The following PPIL2 variants were observed in gnomAD, a reference collection of about 807,000 sequenced individuals.
The protein encoded by PPIL2 is RING-type E3 ubiquitin-protein ligase PPIL2.
PPIL2 carries 50 observed loss-of-function variants against 75.2 expected under a neutral mutation model. The ratio of observed to expected loss-of-function variants is 0.66; its 90% CI spans 0.53 to 0.84. The LOEUF (loss-of-function observed/expected upper bound fraction) is 0.84. Ranked by LOEUF, PPIL2 falls within the 40% of genes least tolerant of loss-of-function variation. The pLI is 0.00. For synonymous variants in PPIL2, 245 were observed against 258.8 expected (o/e 0.95, Z 0.51); for missense variants, 590 against 685.0 (o/e 0.86, Z 1.55).
chr22:21,671,131 G>A, intron 4 of PPIL2, 72 bp downstream of exon 4: 1 of 1,443,672 alleles, frequency 6.9e-7, no homozygotes, highest in Middle Eastern at 1.7e-4. Flanking sequence ...GGGACCCTTG[G>A]TACCCTTGGG....
At chr22:21,680,039 G>A (rs1038540929) in intron 6 of PPIL2, among the ~76,000 whole-genome samples, 1 of 150,824 alleles carries the variant, frequency 6.6e-6, no homozygotes, top group Non-Finnish European at 1.5e-5. Flanking sequence ...GCAGTGAGCC[G>A]AGGAGATCAT....
chr22:21,691,553 G>C (rs180898545), intron 15 of PPIL2, among the ~76,000 whole-genome samples: 3 of 152,094 alleles, frequency 2.0e-5, no homozygotes, highest in Admixed American at 2.0e-4. Context: ...GGTGGCAGGC[G>C]CCTGTAGTCC....
chr22:21,666,533 G>A (rs1371650593), intron 1 of PPIL2, among the ~76,000 whole-genome samples: 1 of 152,124 alleles, frequency 6.6e-6, no homozygotes, highest in African/African-American at 2.4e-5. Context: ...AAACCAGGTC[G>A]GGCGCAGTGG....
chr22:21,680,565 C>G (rs1487560725), intron 6 of PPIL2, among the ~76,000 whole-genome samples: 3 of 150,278 alleles, frequency 2.0e-5, no homozygotes, highest in Non-Finnish European at 3.0e-5. Flanking sequence ...TGCAGTGGCT[C>G]ACACCTGTAA....
In PPIL2 at chr22:21,694,751, C is replaced by T. The variant is rs1168660181; in HGVS notation, c.1270-4C>T. 6.2e-7 allele frequency: 1 copy of T among 1,610,306 alleles called. No homozygotes were observed. Among genetic ancestry groups the T allele is most frequent in the Non-Finnish European group, 8.5e-7 (1 of 1,177,740 alleles). On this transcript the variant is annotated splice_polypyrimidine_tract_variant and splice_region_variant and intron_variant, in intron 17 of 19. Coordinates refer to ENST00000398831, the MANE Select transcript of PPIL2 (RefSeq NM_014337.4). Reference sequence around the variant, plus strand: ...GCCGTGCACTGAGCCCCCTTTGCTGCTAGGAGGAGATCCGCATTGATGCCA... The same window carrying T: ...GCCGTGCACTGAGCCCCCTTTGCTGTTAGGAGGAGATCCGCATTGATGCCA...
intron 1 of PPIL2, among the ~76,000 whole-genome samples, chr22:21,667,652 A>G (rs1361431903): frequency 1.3e-5 from 2 of 151,854 alleles, no homozygotes; most frequent in Admixed American, 6.6e-5. Context: ...CTTTTCCATA[A>G]ACATTCTCTG....
rs1383159715 is a variant in PPIL2 at position 21,694,587 on chromosome 22, C to CT, written c.1197-5dup. On this transcript the variant is annotated splice_polypyrimidine_tract_variant and splice_region_variant and intron_variant, in intron 16 of 19. Coordinates refer to ENST00000398831, the MANE Select transcript of PPIL2 (RefSeq NM_014337.4). ...ACGCAGACCCACCTCTGTCTCCCTG[C>CT]TGCAGGGTTGTTGGGGGCTTTGACG... The CT allele has an allele frequency of 6.2e-7, 1 of 1,613,902 alleles. No homozygotes were observed. The highest frequency in any genetic ancestry group is 8.5e-7 in the Non-Finnish European group (1 of 1,179,976).
chr22:21,694,429 G>A (rs981670619), intron 16 of PPIL2, among the ~76,000 whole-genome samples, 164 bp from the exon 17 acceptor site: 3 of 151,810 alleles, frequency 2.0e-5, no homozygotes, highest in Non-Finnish European at 2.9e-5. Context: ...ATGGTCAGCC[G>A]ACCCCGCCCT....
intron 6 of PPIL2, among the ~76,000 whole-genome samples, chr22:21,679,995 C>T (rs1206155099): frequency 6.6e-6 from 1 of 151,196 alleles, no homozygotes; most frequent in African/African-American, 2.4e-5. Context: ...GAGGCTGAGG[C>T]AGGAGAATGG....
chr22:21,669,026 T>A (rs1187676323), intron 1 of PPIL2, among the ~76,000 whole-genome samples: 1 of 151,602 alleles, frequency 6.6e-6, no homozygotes, highest in Non-Finnish European at 1.5e-5. Context: ...TTTTTTTTTT[T>A]TTTTTAGTAG....
rs1161283642 is a variant in PPIL2, at chr22:21,683,169, C to A, written c.478-13C>A. 6.2e-7 allele frequency: 1 copy of A among 1,608,780 alleles called. No homozygotes were observed. The highest frequency in any genetic ancestry group is 1.1e-5 in the South Asian group (1 of 90,968). Reference sequence around the variant, plus strand: ...CTGGGTTCACTCTGCTGGGCATTCTCTTTTTGCCACAGGACCCCACCAATT... The same window carrying A: ...CTGGGTTCACTCTGCTGGGCATTCTATTTTTGCCACAGGACCCCACCAATT... On this transcript the variant is annotated splice_polypyrimidine_tract_variant and intron_variant, in intron 8 of 19. Transcript: ENST00000398831.
chr22:21,682,393 AG>A lies in PPIL2; in HGVS notation c.388-42del, dbSNP rs1438181175. On this transcript the variant is annotated intron_variant, in intron 7 of 19. Transcript: ENST00000398831. ...TCCCTGCTTGCAGTCCCCTGTGCCA[AG>A]GCTTGGGGCAGGCATCGTAAAACCA... 6 of 1,549,414 alleles carry A rather than the reference AG, an allele frequency of 3.9e-6. No homozygotes were observed. In the South Asian group the frequency reaches 6.7e-5, roughly 17 times the overall value.
intron 1 of PPIL2, among the ~76,000 whole-genome samples, chr22:21,669,085 G>A (rs1215311950): frequency 6.6e-6 from 1 of 150,816 alleles, no homozygotes; most frequent in Non-Finnish European, 1.5e-5. Context: ...TCCTGACCTC[G>A]TGATCTGCCC....
rs376001677 is a variant in PPIL2, at chr22:21,684,813, G to T, written c.614G>T (p.Arg205Leu). The T allele has an allele frequency of 2.5e-6, 4 of 1,614,030 alleles. No homozygotes were observed. The highest frequency in any genetic ancestry group is 3.4e-6 in the Non-Finnish European group (4 of 1,180,030). Reference sequence around the variant, plus strand: ...CTGAAAAATACAAATGCCGAGACCCGAGAGACCCTGCAGGAGCTCTACAAG... The same window carrying T: ...CTGAAAAATACAAATGCCGAGACCCTAGAGACCCTGCAGGAGCTCTACAAG... ...YYLKNTNAET[R>L]ETLQELYKEF... Residue 205 changes from arginine (R) to leucine (L), a missense_variant, in exon 10 of 20, where the codon CGA (arginine) becomes CTA (leucine). Transcript: ENST00000398831.
In PPIL2 at chr22:21,686,892, C is replaced by T; in HGVS notation, c.791C>T (p.Ala264Val). 2 of 1,613,876 alleles carry T rather than the reference C, an allele frequency of 1.2e-6. No individual in the cohort carries two copies. The highest frequency in any genetic ancestry group is 1.7e-6 in the Non-Finnish European group (2 of 1,179,930). The change falls in exon 12 of 20, where the codon GCT becomes GTT. Residue 264 changes from alanine (A) to valine (V), a missense_variant and splice_region_variant. Coordinates refer to ENST00000398831, the MANE Select transcript of PPIL2 (RefSeq NM_014337.4). The stretch of plus-strand genomic sequence containing the variant: ...GCTGAGCTGGGACCTTGGCTTGTAG[C>T]TGCCATCGACGAGGATGTGCTGCGC... The part of the protein sequence containing the change: ...AMVPETTHEA[A>V]AIDEDVLRYQ...
downstream of PPIL2, chr22:21,699,906 C>T (rs2068047690): frequency 6.6e-6 from 1 of 152,430 alleles, no homozygotes; most frequent in African/African-American, 2.4e-5. Flanking sequence ...GCTGTCACCT[C>T]AGTAAGGGCA....
At chr22:21,693,502 G>A (rs769344895) in intron 15 of PPIL2, among the ~76,000 whole-genome samples, 7 of 152,242 alleles carry the variant, frequency 4.6e-5, no homozygotes, top group South Asian at 2.1e-4. Flanking sequence ...GTGTCCCCTC[G>A]TCCCAGCCAC....
intron 16 of PPIL2, among the ~76,000 whole-genome samples, 162 bp from the exon 17 acceptor site, chr22:21,694,431 C>T (rs1270270280): frequency 6.6e-6 from 1 of 152,120 alleles, no homozygotes; most frequent in Non-Finnish European, 1.5e-5. Context: ...GGTCAGCCGA[C>T]CCCGCCCTTG....
chr22:21,671,823 G>A (rs2066644442), intron 4 of PPIL2, among the ~76,000 whole-genome samples: 1 of 152,122 alleles, frequency 6.6e-6, no homozygotes, highest in Admixed American at 6.5e-5. Context: ...GGCTGAGGCA[G>A]GAGGATCTCT....
Sources: allele counts gnomAD v4.1 joint callset (sites outside exome capture counted in the v4.1 genomes callset), GRCh38; gene constraint gnomAD v4.1.1; transcripts MANE v1.5; gene names NCBI Gene and HGNC (gene_info 2026-07-23, HGNC 2026-07-21).